MED15: variants seen among roughly 807,000 people sequenced by gnomAD.
MED15 encodes mediator of RNA polymerase II transcription subunit 15.
A neutral mutation model predicts 118.7 loss-of-function variants in MED15; 41 were observed. The observed-to-expected ratio is 0.35, with a 90% confidence interval of 0.27 to 0.45. MED15 has a LOEUF of 0.45. MED15 is among the 20% of genes least tolerant of loss of function. The pLI, the probability that MED15 is intolerant of heterozygous loss-of-function variation, is 1.00. For missense variants in MED15, 740 were observed against 1,025.5 expected (o/e 0.72, Z 3.80); for synonymous variants, 436 against 413.9 (o/e 1.05, Z -0.65).
At chr22:20,544,669 A>C (rs5757972) in intron 2 of MED15, among the ~76,000 whole-genome samples, 9,052 of 152,010 alleles carry the variant, frequency 0.06, 597 homozygotes, top group East Asian at 0.36. Flanking sequence ...CTGTCTCAAA[A>C]AAACAAACAA....
chr22:20,566,707 G>A lies in MED15; in HGVS notation c.931G>A (p.Ala311Thr), dbSNP rs962358279. ...PPPQPQQPPV[A>T]QNQPSQLPPQ... is the part of the protein sequence containing the mutation. The stretch of plus-strand genomic sequence containing the variant: ...ACCACAGCCCCAGCAGCCTCCAGTT[G>A]CTCAGAACCAACCATCACAACTCCC... The change falls in exon 7 of 18, where the codon GCT (alanine) becomes ACT (threonine). Residue 311 changes from alanine to threonine, a missense_variant. Around this residue, in one of 7 missense-constraint regions of MED15, gnomAD observed 384 missense variants for 506.3 expected, o/e 0.76. Transcript: ENST00000263205. 2.5e-6 allele frequency: 4 copies of A among 1,613,988 alleles called. No homozygotes were observed. In the African/African-American group the frequency reaches 5.3e-5, roughly 22 times the overall value.
chr22:20,540,520 G>C (rs148357941), intron 2 of MED15, among the ~76,000 whole-genome samples: 14 of 152,248 alleles, frequency 9.2e-5, no homozygotes, highest in Non-Finnish European at 1.6e-4. Flanking sequence ...ATTACAGTAA[G>C]CTATGATTGT....
chr22:20,537,061 C>A, intron 1 of MED15, 56 bp from the exon 2 acceptor site: 1 of 1,536,394 alleles, frequency 6.5e-7, no homozygotes, highest in South Asian at 1.1e-5. Context: ...GGCCAGGGCC[C>A]TGCAGCGGTG....
chr22:20,577,494 A>T (rs1287862481), intron 9 of MED15, among the ~76,000 whole-genome samples: 2 of 149,606 alleles, frequency 1.3e-5, no homozygotes, highest in African/African-American at 4.9e-5. Flanking sequence ...GTCTGCCCTG[A>T]GTTATGCCAG....
At chr22:20,569,420 G>C (rs1027771859) in intron 8 of MED15, among the ~76,000 whole-genome samples, 1 of 152,196 alleles carries the variant, frequency 6.6e-6, no homozygotes, top group African/African-American at 2.4e-5. Context: ...AGTTGATGTG[G>C]TAAGACTGTG....
Position 20,537,210 on chromosome 22 carries a change from G to A in MED15, c.156+6G>A, listed in dbSNP as rs769218488. On this transcript the variant is annotated splice_donor_region_variant and intron_variant, in intron 2 of 17. Transcript: ENST00000263205. ...TCCTGAAGGCCAAGACCCGGGTAAG[G>A]CCCTAGTAAGTGGAGCCACTCTGGC... 32 of 1,601,988 alleles carry A rather than the reference G, an allele frequency of 2.0e-5. No individual in the cohort carries two copies. The highest frequency in any genetic ancestry group is 4.7e-5 in the East Asian group (2 of 42,948).
intron 1 of MED15, among the ~76,000 whole-genome samples, chr22:20,515,084 G>A (rs2054202063): frequency 6.6e-6 from 1 of 152,224 alleles, no homozygotes; most frequent in Non-Finnish European, 1.5e-5. Context: ...TGGGCAAATA[G>A]GAAGTGGTTG....
rs60248748 is a variant in MED15 at position 20,521,695 on chromosome 22, C to CTTATTTAT, written c.68+13982_68+13989dup. Among the ~76,000 whole-genome samples, 1,195 of 141,008 alleles carry CTTATTTAT rather than the reference C, an allele frequency of 8.5e-3. 9 individuals carry two copies. The highest frequency in any genetic ancestry group is 0.014 in the East Asian group (68 of 4,786). The allele number at this position is 141,008 out of a possible 152,430, so 92.5% of individuals were successfully genotyped here. ...ACAGGCGTGAGCCACTGCGCCTGGC[C>CTTATTTAT]TTATTTATTTATTTATTTATTTATT... On this transcript the variant is annotated intron_variant, in intron 1 of 17. Transcript: ENST00000263205.
At position 20,551,428 on chromosome 22, in the gene MED15, A is replaced by G; in HGVS notation, c.157-8A>G. On this transcript the variant is annotated splice_polypyrimidine_tract_variant and splice_region_variant and intron_variant, in intron 2 of 17. Transcript: ENST00000263205. The stretch of plus-strand genomic sequence containing the variant: ...TGGTATTAAACTGCTTCCTGTTTTT[A>G]CTTTTAGGACGAATACCTTTCTCTC... The G allele has an allele frequency of 1.2e-6, 2 of 1,613,792 alleles. No individual in the cohort carries two copies. Among genetic ancestry groups the G allele is most frequent in the Non-Finnish European group, 1.7e-6 (2 of 1,179,682 alleles).
At chr22:20,558,121 A>G (rs2146547029) in intron 5 of MED15, among the ~76,000 whole-genome samples, 1 of 151,762 alleles carries the variant, frequency 6.6e-6, no homozygotes, top group Admixed American at 6.5e-5. Context: ...AAAAAGAAAA[A>G]GTTACAGTGG....
intron 13 of MED15, chr22:20,584,102 G>A (rs948077942): frequency 5.5e-6 from 3 of 540,702 alleles, no homozygotes; most frequent in African/African-American, 3.8e-5. Flanking sequence ...ATGACAATGA[G>A]GCATTCACAG....
intron 2 of MED15, among the ~76,000 whole-genome samples, chr22:20,547,595 G>C (rs1041664720): frequency 6.6e-6 from 1 of 151,790 alleles, no homozygotes; most frequent in Non-Finnish European, 1.5e-5. Context: ...TGAGGTGGGC[G>C]GATCAGAAGG....
At chr22:20,563,056 C>A (rs923232379) in intron 5 of MED15, among the ~76,000 whole-genome samples, 1 of 151,966 alleles carries the variant, frequency 6.6e-6, no homozygotes, top group Non-Finnish European at 1.5e-5. Flanking sequence ...AATCTTACAC[C>A]CATCAGAATT....
At chr22:20,544,338 A>G (rs931915166) in intron 2 of MED15, among the ~76,000 whole-genome samples, 1 of 152,174 alleles carries the variant, frequency 6.6e-6, no homozygotes, top group Non-Finnish European at 1.5e-5. Flanking sequence ...TGTGGCTGCT[A>G]TAACACGTTA....
chr22:20,517,389 A>G (rs1239092312), intron 1 of MED15, among the ~76,000 whole-genome samples: 1 of 152,156 alleles, frequency 6.6e-6, no homozygotes, highest in African/African-American at 2.4e-5. Flanking sequence ...GGATCCTCAG[A>G]CAATCTCAGT....
chr22:20,570,773 T>TTTTTTTTTTTTTTTTTTTTTTA (rs1443415860), intron 8 of MED15, among the ~76,000 whole-genome samples: 1 of 134,512 alleles, frequency 7.4e-6, no homozygotes, highest in African/African-American at 2.9e-5. Context: ...TTTTTTTTTT[T>TTTTTTTTTTTTTTTTTTTTTTA]TTTGACAGAG....
intron 9 of MED15, among the ~76,000 whole-genome samples, chr22:20,579,184 G>T (rs2056906415): frequency 6.6e-6 from 1 of 152,200 alleles, no homozygotes; most frequent in Admixed American, 6.5e-5. Context: ...TGAGACCAAG[G>T]ACTGGGAGGT....
chr22:20,542,185 A>G (rs1246804183), intron 2 of MED15, among the ~76,000 whole-genome samples: 1 of 152,234 alleles, frequency 6.6e-6, no homozygotes, highest in Non-Finnish European at 1.5e-5. Flanking sequence ...TTGAATGTAG[A>G]GTTACCATAC....
intron 2 of MED15, among the ~76,000 whole-genome samples, chr22:20,543,857 C>T (rs543940381): frequency 6.6e-6 from 1 of 152,302 alleles, no homozygotes; most frequent in South Asian, 2.1e-4. Context: ...TGTGCCCGGC[C>T]CAAGCTGAGT....
Sources: allele counts gnomAD v4.1 joint callset (sites outside exome capture counted in the v4.1 genomes callset), GRCh38; gene constraint gnomAD v4.1.1; regional missense constraint gnomAD v4.1.1; transcripts MANE v1.5; gene names NCBI Gene and HGNC (gene_info 2026-07-23, HGNC 2026-07-21).